The following UPP2 variants were observed in gnomAD, a reference collection of about 807,000 sequenced individuals.
UPP2 encodes uridine phosphorylase 2, also known as UPase 2.
UPP2 carries 23 observed loss-of-function variants against 26.7 expected under a neutral mutation model. The ratio of observed to expected loss-of-function variants is 0.86; its 90% CI spans 0.62 to 1.22. UPP2 has a LOEUF of 1.22. Among genes scored for constraint, UPP2 ranks in the 50% most tolerant of loss-of-function variants. UPP2 has a pLI of 0.00. For missense variants in UPP2, 387 were observed against 396.7 expected, an observed-to-expected ratio of 0.98 and a Z score of 0.21; for synonymous variants, 127 against 141.3, an observed-to-expected ratio of 0.90 and a Z score of 0.72.
At chr2:158,102,595 A>G (rs895740908) in intron 1 of UPP2, among the ~76,000 whole-genome samples, 1 of 152,190 alleles carries the variant, frequency 6.6e-6, no homozygotes, top group African/African-American at 2.4e-5. Context: ...CTTCTGAAAT[A>G]CCGTCTATGT....
intron 3 of UPP2, among the ~76,000 whole-genome samples, chr2:158,053,335 A>C (rs1682189346): frequency 6.6e-6 from 1 of 152,166 alleles, no homozygotes; most frequent in Non-Finnish European, 1.5e-5. Flanking sequence ...TGTGCTAAGC[A>C]CTTTATATGC....
intron 1 of UPP2, 25 bp downstream of exon 1, chr2:158,102,150 T>A: frequency 6.2e-7 from 1 of 1,609,280 alleles, no homozygotes; most frequent in Non-Finnish European, 8.5e-7. Context: ...TTTTGTAAAT[T>A]TGTTTTGATC....
rs1053720993 is a variant in UPP2 at position 158,022,332 on chromosome 2, G to A, written c.147+6446G>A. 7.3e-5 allele frequency among the ~76,000 whole-genome samples: 11 copies of A among 151,488 alleles called. 1 individual carries two copies. The highest frequency in any genetic ancestry group is 6.9e-3 in the Middle Eastern group (2 of 290). On this transcript the variant is annotated intron_variant, in intron 3 of 9. Transcript: ENST00000605860. ...AAATTAGCTGGGCGTAGTGGCGGGC[G>A]CCTGTAATCCCAGCTACTCAGGAAG...
At chr2:158,021,479 T>C (rs1201207752) in intron 3 of UPP2, among the ~76,000 whole-genome samples, 1 of 152,208 alleles carries the variant, frequency 6.6e-6, no homozygotes, top group Non-Finnish European at 1.5e-5. Flanking sequence ...GCCTAACACA[T>C]GGCTGTCTGT....
intron 3 of UPP2, among the ~76,000 whole-genome samples, chr2:158,072,353 A>G (rs891042519): frequency 1.1e-4 from 16 of 152,146 alleles, no homozygotes; most frequent in African/African-American, 3.9e-4. Context: ...TTTTACTCCA[A>G]TCTCTGGCTT....
At chr2:158,048,595 C>T (rs1160050190) in intron 3 of UPP2, among the ~76,000 whole-genome samples, 1 of 152,206 alleles carries the variant, frequency 6.6e-6, no homozygotes, top group East Asian at 1.9e-4. Flanking sequence ...CAGAATGAGA[C>T]TATGTCTCAA....
intron 2 of UPP2, among the ~76,000 whole-genome samples, chr2:158,111,141 G>A (rs1210767448): frequency 6.6e-6 from 1 of 152,144 alleles, no homozygotes; most frequent in Non-Finnish European, 1.5e-5. Flanking sequence ...ATGGTTTTAG[G>A]TCTAACATTT....
intron 1 of UPP2, 65 bp from the exon 2 acceptor site, chr2:158,106,033 CT>C: frequency 8.0e-7 from 1 of 1,242,830 alleles, no homozygotes. Flanking sequence ...TATGTTCAGA[CT>C]TTCTTTCTTG....
intron 2 of UPP2, among the ~76,000 whole-genome samples, chr2:157,998,274 T>C (rs1683352899): frequency 6.6e-6 from 1 of 152,168 alleles, no homozygotes; most frequent in Non-Finnish European, 1.5e-5. Flanking sequence ...ATTTATCATG[T>C]GCAACCTGGT....
intron 2 of UPP2, among the ~76,000 whole-genome samples, chr2:158,110,250 C>T (rs551157103): frequency 4.6e-5 from 7 of 152,106 alleles, no homozygotes; most frequent in East Asian, 1.9e-4. Flanking sequence ...TGAGAACATG[C>T]GGTGTTTAGT....
intron 6 of UPP2, chr2:158,127,811 T>C (rs1683726321): frequency 6.2e-6 from 1 of 162,582 alleles, no homozygotes; most frequent in East Asian, 1.9e-4. Context: ...TTAACAAAGA[T>C]TCAGGTGAAG....
At chr2:158,064,508 A>G (rs1361072792) in intron 3 of UPP2, among the ~76,000 whole-genome samples, 1 of 79,248 alleles carries the variant, frequency 1.3e-5, no homozygotes, top group African/African-American at 6.0e-5. Flanking sequence ...AGATGGATAG[A>G]TTGCAAAATT....
At chr2:158,102,210 T>A in intron 1 of UPP2, 85 bp downstream of exon 1, 1 of 1,415,614 alleles carries the variant, frequency 7.1e-7, no homozygotes, top group Non-Finnish European at 9.5e-7. Flanking sequence ...AATGGGCCTC[T>A]ACAGTTAAGC....
intron 3 of UPP2, among the ~76,000 whole-genome samples, chr2:158,031,369 T>G (rs949382862): frequency 3.9e-5 from 6 of 152,360 alleles, no homozygotes; most frequent in Admixed American, 2.6e-4. Context: ...AGGCATTGCT[T>G]GGTATGTTGA....
intron 3 of UPP2, among the ~76,000 whole-genome samples, chr2:158,077,034 T>C (rs1362996272): frequency 1.3e-5 from 2 of 151,792 alleles, no homozygotes; most frequent in Non-Finnish European, 2.9e-5. Flanking sequence ...CAGTGAACAA[T>C]GTGAAAAAGA....
chr2:158,113,338 A>G (rs997318297), intron 2 of UPP2, among the ~76,000 whole-genome samples: 1 of 152,204 alleles, frequency 6.6e-6, no homozygotes, highest in Non-Finnish European at 1.5e-5. Flanking sequence ...TTGGACTTAG[A>G]TCGTGAGCCA....
At chr2:158,071,338 G>T (rs1172854016) in intron 3 of UPP2, among the ~76,000 whole-genome samples, 1 of 151,896 alleles carries the variant, frequency 6.6e-6, no homozygotes, top group Non-Finnish European at 1.5e-5. Flanking sequence ...ATCACTTAAG[G>T]TCAGGAGTAC....
intron 3 of UPP2, among the ~76,000 whole-genome samples, chr2:158,017,106 T>TA (rs935467951): frequency 7.2e-5 from 11 of 152,134 alleles, no homozygotes; most frequent in Non-Finnish European, 1.2e-4. Flanking sequence ...TTGAGGTATT[T>TA]AAAAAAACAT....
At chr2:158,074,374 T>C (rs1460426073) in intron 3 of UPP2, among the ~76,000 whole-genome samples, 4 of 152,062 alleles carry the variant, frequency 2.6e-5, no homozygotes, top group African/African-American at 4.8e-5. Context: ...TTTCAAGACA[T>C]AGACATTTCA....
Sources: gnomAD v4.1 joint callset for allele counts (sites outside exome capture counted in the v4.1 genomes callset) on GRCh38, gnomAD v4.1.1 for gene constraint, MANE v1.5 for transcripts, NCBI Gene and HGNC (gene_info 2026-07-23, HGNC 2026-07-21) for gene names.